The following TXNDC16 variants were observed in gnomAD, a reference collection of about 807,000 sequenced individuals.
TXNDC16 encodes thioredoxin domain containing 16, also known as thioredoxin domain-containing protein 16.
TXNDC16 carries 74 observed loss-of-function variants against 85.6 expected under a neutral mutation model. The observed-to-expected ratio is 0.86, with a 90% CI of 0.72 to 1.05. TXNDC16 has a LOEUF of 1.05. Among genes scored for constraint, TXNDC16 ranks in the 50% least tolerant of loss-of-function variants. The probability of loss-of-function intolerance (pLI) is 0.00; values close to 1 mark genes in which losing one functional copy is unlikely to be tolerated. For synonymous variants in TXNDC16, 335 were observed against 326.5 expected, an observed-to-expected ratio of 1.03 and a Z score of -0.28; for missense variants, 959 against 947.0, an observed-to-expected ratio of 1.01 and a Z score of -0.17.
At chr14:52,433,518 T>C (rs185582951) in intron 20 of TXNDC16, among the ~76,000 whole-genome samples, 3 of 152,316 alleles carry the variant, frequency 2.0e-5, no homozygotes, top group East Asian at 3.8e-4. Flanking sequence ...GCTCATAAGA[T>C]ACAAACTTGA....
chr14:52,509,470 C>T (rs959470892), intron 9 of TXNDC16, among the ~76,000 whole-genome samples: 3 of 146,230 alleles, frequency 2.1e-5, no homozygotes, highest in Admixed American at 6.8e-5. Context: ...ATGAAAGGAA[C>T]GAAAGACCTT....
At chr14:52,455,241 G>A (rs1050797135) in intron 18 of TXNDC16, 83 bp downstream of exon 18, 45 of 1,529,348 alleles carry the variant, frequency 2.9e-5, no homozygotes, top group South Asian at 6.3e-5. Flanking sequence ...AGCAAAAAAT[G>A]GAAAAATGTG....
At chr14:52,516,602 A>G (rs1050651528) in intron 7 of TXNDC16, among the ~76,000 whole-genome samples, 12 of 152,274 alleles carry the variant, frequency 7.9e-5, no homozygotes, top group African/African-American at 2.6e-4. Context: ...CTGGGACTCA[A>G]TGGGTCCTTT....
intron 14 of TXNDC16, among the ~76,000 whole-genome samples, chr14:52,472,260 T>A (rs2035924912): frequency 6.6e-6 from 1 of 151,834 alleles, no homozygotes; most frequent in Non-Finnish European, 1.5e-5. Context: ...TGCAGTGGCG[T>A]GATCTCGGCT....
At position 52,530,504 on chromosome 14, in the gene TXNDC16, A is replaced by T. The variant is rs1179086498; in HGVS notation, c.392+6215T>A. Reference sequence around the variant, plus strand: ...ATATAATATTATATATAATAATATAATATATATTATTATATAATATTATAT... The same window carrying T: ...ATATAATATTATATATAATAATATATTATATATTATTATATAATATTATAT... On this transcript the variant is annotated intron_variant, in intron 6 of 20. Transcript: ENST00000281741. Among the ~76,000 whole-genome samples, 2 of 27,030 alleles carry T rather than the reference A, an allele frequency of 7.4e-5. 1 individual carries two copies. The highest frequency in any genetic ancestry group is 1.3e-4 in the Non-Finnish European group (2 of 14,976). 17.7% of individuals were successfully genotyped at this position (27,030 alleles called of 152,430 possible).
chr14:52,530,279 A>ATAATATATAT, intron 6 of TXNDC16, among the ~76,000 whole-genome samples: 1 of 57,458 alleles, frequency 1.7e-5, no homozygotes, highest in African/African-American at 8.6e-5. Flanking sequence ...TTATTATTTA[A>ATAATATATAT]TATATAATTA....
At chr14:52,548,508 T>A (rs1196564815) in intron 1 of TXNDC16, among the ~76,000 whole-genome samples, 1 of 152,172 alleles carries the variant, frequency 6.6e-6, no homozygotes, top group East Asian at 1.9e-4. Flanking sequence ...ACAACCTGCC[T>A]TCATGAGAAC....
chr14:52,526,186 G>C (rs1245599002), intron 6 of TXNDC16, among the ~76,000 whole-genome samples: 1 of 151,922 alleles, frequency 6.6e-6, no homozygotes, highest in Non-Finnish European at 1.5e-5. Flanking sequence ...TTTTCACTTT[G>C]TATATTTAGA....
At position 52,432,459 on chromosome 14, in the gene TXNDC16, C is replaced by T. The variant is rs1439180389; in HGVS notation, c.2323G>A (p.Glu775Lys). 6 of 1,613,898 alleles carry T rather than the reference C, an allele frequency of 3.7e-6. No individual in the cohort carries two copies. Among genetic ancestry groups the T allele is most frequent in the Non-Finnish European group, 5.1e-6 (6 of 1,179,978 alleles). Residue 775 changes from glutamate (E) to lysine (K), a missense_variant, in exon 21 of 21, where the codon GAG (glutamate) becomes AAG (lysine). Transcript: ENST00000281741. The stretch of plus-strand genomic sequence containing the variant: ...TCTTCATGTTGTTCCTTATCATTCT[C>T]CTGCACATCTGTTTCTTTCATACAC... ...PKCMKETDVQ[E>K]NDKEQHEDKS...
At chr14:52,507,234 A>G (rs1403022311) in intron 9 of TXNDC16, among the ~76,000 whole-genome samples, 1 of 152,188 alleles carries the variant, frequency 6.6e-6, no homozygotes, top group Non-Finnish European at 1.5e-5. Context: ...TACAAAATCA[A>G]TGTGCAAAAA....
At chr14:52,522,431 G>C (rs1375364126) in intron 6 of TXNDC16, among the ~76,000 whole-genome samples, 1 of 152,192 alleles carries the variant, frequency 6.6e-6, no homozygotes, top group Non-Finnish European at 1.5e-5. Flanking sequence ...TATCAACCTT[G>C]CTTTCCCAGG....
At chr14:52,498,405 TCA>T (rs140586435) in intron 9 of TXNDC16, among the ~76,000 whole-genome samples, 17,333 of 145,942 alleles carry the variant, frequency 0.12, 1,015 homozygotes, top group East Asian at 0.16. Context: ...ACCCTAAAGA[TCA>T]CACACACACA....
chr14:52,454,260 TA>T (rs1410760927), intron 18 of TXNDC16, among the ~76,000 whole-genome samples: 1 of 151,044 alleles, frequency 6.6e-6, no homozygotes, highest in Non-Finnish European at 1.5e-5. Flanking sequence ...ACCCTGTCTC[TA>T]CAAAAAAATA....
chr14:52,551,475 GAAAA>G lies in TXNDC16; in HGVS notation c.-182+837_-182+840del, dbSNP rs11380216. 1.7e-4 allele frequency among the ~76,000 whole-genome samples: 23 copies of G among 132,310 alleles called. 1 individual carries two copies. Among genetic ancestry groups the G allele is most frequent in the South Asian group, 9.4e-4 (4 of 4,270 alleles). 86.8% of individuals were successfully genotyped at this position (132,310 alleles called of 152,430 possible). A position where few individuals can be genotyped will look rare whatever the true frequency, so the allele number is the denominator to read the frequency against. On this transcript the variant is annotated intron_variant, in intron 1 of 20. Coordinates refer to ENST00000281741, the MANE Select transcript of TXNDC16 (RefSeq NM_020784.3). ...GAGCGAGACCCTGCATGAAAAAAAG[GAAAA>G]AAAAAAAAAAAAGCATAGGACAAAG...
At chr14:52,540,351 G>A (rs759183805) in intron 4 of TXNDC16, among the ~76,000 whole-genome samples, 4 of 152,152 alleles carry the variant, frequency 2.6e-5, no homozygotes, top group Admixed American at 6.6e-5. Context: ...TGGGCTAGGC[G>A]CGGTGGCTCA....
chr14:52,466,311 T>C (rs1015416532), intron 16 of TXNDC16, among the ~76,000 whole-genome samples: 8 of 135,620 alleles, frequency 5.9e-5, no homozygotes, highest in Non-Finnish European at 1.2e-4. Context: ...GAGAAATGCC[T>C]GAACCTGGGA....
intron 10 of TXNDC16, 143 bp downstream of exon 10, chr14:52,490,695 AT>A: frequency 1.1e-6 from 1 of 944,710 alleles, no homozygotes. Context: ...GAATGTACAG[AT>A]TTTAGCTCAG....
At chr14:52,434,565 T>C (rs1442052212) in intron 20 of TXNDC16, among the ~76,000 whole-genome samples, 1 of 152,104 alleles carries the variant, frequency 6.6e-6, no homozygotes, top group Admixed American at 6.5e-5. Context: ...TAAGTGTAAA[T>C]CTCAAGTAAG....
chr14:52,520,126 G>C (rs775206642), intron 6 of TXNDC16, among the ~76,000 whole-genome samples: 6 of 152,106 alleles, frequency 3.9e-5, no homozygotes, highest in Non-Finnish European at 8.8e-5. Context: ...TTCTTTATTT[G>C]AAGAAATGGA....
Sources: gnomAD v4.1 joint callset for allele counts (sites outside exome capture counted in the v4.1 genomes callset) on GRCh38, gnomAD v4.1.1 for gene constraint, MANE v1.5 for transcripts, NCBI Gene and HGNC (gene_info 2026-07-23, HGNC 2026-07-21) for gene names.